Variants in ZC3H4 observed in about 807,000 individuals in gnomAD.
ZC3H4 encodes the protein zinc finger CCCH domain-containing protein 4.
Under a neutral mutation model 108.3 loss-of-function variants are expected in ZC3H4, and 13 were observed. The observed-to-expected ratio is 0.12, with a 90% CI of 0.08 to 0.19. ZC3H4 has a LOEUF of 0.19. Among genes scored for constraint, ZC3H4 ranks in the 10% least tolerant of loss-of-function variants. The pLI is 1.00. For missense variants in ZC3H4, 1,734 were observed against 1,838.8 expected (o/e 0.94, Z 1.04); for synonymous variants, 917 against 749.6 (o/e 1.22, Z -3.65).
In ZC3H4 at chr19:47,072,034, A is replaced by G. The variant is rs79459609; in HGVS notation, c.1890T>C (p.Pro630=). 6.7e-3 allele frequency: 10,616 copies of G among 1,587,558 alleles called. 287 individuals carry two copies. In the African/African-American group the frequency reaches 0.08, roughly 12 times the overall value. The change falls in exon 13 of 15, where the codon CCT becomes CCC. Residue 630 remains proline, a synonymous_variant. Coordinates refer to ENST00000253048, the MANE Select transcript of ZC3H4 (RefSeq NM_015168.2). The surrounding 1 kb of genome is among the most constrained non-coding windows in gnomAD (Gnocchi z 5.6). Reference sequence around the variant, plus strand: ...CCGGGTGCATGTCGGGGTGCATGTCAGGATGCATTGGACCGCCCATTGGCC... The same window carrying G: ...CCGGGTGCATGTCGGGGTGCATGTCGGGATGCATTGGACCGCCCATTGGCC... ...PPGPMGGPMH[P]DMHPDMHPDM... is the part of the protein sequence containing the mutation.
chr19:47,067,071 T>C lies in ZC3H4; in HGVS notation c.3197A>G (p.Asp1066Gly), dbSNP rs772590321. 3.7e-6 allele frequency: 6 copies of C among 1,609,258 alleles called. No individual in the cohort carries two copies. The highest frequency in any genetic ancestry group is 3.3e-5 in the South Asian group (3 of 90,656). ...TGSSAAPGSS[D>G]KPSDPRVRKA... is the part of the protein sequence containing the mutation. ...CCGCACCCGGGGGTCACTGGGTTTG[T>C]CGCTGGAACCGGGGGCGGCCGAGGA... is the stretch of plus-strand genomic sequence containing the variant. Residue 1066 changes from aspartate to glycine, a missense_variant, in exon 15 of 15, where the codon GAC (aspartate) becomes GGC (glycine). Asp to Gly is a moderately conservative substitution (Grantham distance 94, BLOSUM62 -1). Transcript: ENST00000253048. This position sits in a 1 kb window ranked among gnomAD's most constrained non-coding sequence, Gnocchi z 6.4.
In ZC3H4 at chr19:47,094,382, G is replaced by C. The variant is rs551246906; in HGVS notation, c.381+7C>G. 6.2e-7 allele frequency: 1 copy of C among 1,613,706 alleles called. No homozygotes were observed. ...GCAGTGGCAGTCCCAGGGGATCTCC[G>C]ACCTACTTTGTGCTTGGATTTCCTC... On this transcript the variant is annotated splice_region_variant and intron_variant, in intron 3 of 14. Coordinates refer to ENST00000253048, the MANE Select transcript of ZC3H4 (RefSeq NM_015168.2).
chr19:47,088,774 C>T (rs182851680), intron 5 of ZC3H4, among the ~76,000 whole-genome samples: 5 of 152,232 alleles, frequency 3.3e-5, no homozygotes, highest in Non-Finnish European at 4.4e-5. Flanking sequence ...TATCCAGTGT[C>T]CTTTTCACTT....
intron 2 of ZC3H4, among the ~76,000 whole-genome samples, chr19:47,100,909 G>A (rs1212997584): frequency 6.6e-6 from 1 of 151,984 alleles, no homozygotes; most frequent in Non-Finnish European, 1.5e-5. Context: ...TGTTGGCCAG[G>A]CTGGTCTCGA....
intron 11 of ZC3H4, among the ~76,000 whole-genome samples, chr19:47,079,606 C>A (rs2122811225): frequency 6.6e-6 from 1 of 152,234 alleles, no homozygotes; most frequent in East Asian, 1.9e-4. Context: ...GATTACATAA[C>A]CCTGGGGCAT....
At chr19:47,069,436 G>A in intron 13 of ZC3H4, 93 bp from the exon 14 acceptor site, 1 of 1,474,594 alleles carries the variant, frequency 6.8e-7, no homozygotes, top group Non-Finnish European at 9.1e-7. Flanking sequence ...CCACACCGAT[G>A]GCGATGGAGA....
At chr19:47,091,519 A>G (rs111294715) in intron 4 of ZC3H4, among the ~76,000 whole-genome samples, 4,072 of 152,100 alleles carry the variant, frequency 0.027, 152 homozygotes, top group African/African-American at 0.085. Flanking sequence ...GGATGCGGTG[A>G]GGCAAGATTG....
chr19:47,089,812 G>A (rs2057698921), intron 5 of ZC3H4, among the ~76,000 whole-genome samples, 155 bp downstream of exon 5: 1 of 152,170 alleles, frequency 6.6e-6, no homozygotes, highest in Non-Finnish European at 1.5e-5. Context: ...GATCTCTCCG[G>A]TCTCCTGTGC....
chr19:47,087,956 G>C (rs979487591), intron 5 of ZC3H4, among the ~76,000 whole-genome samples: 1 of 151,834 alleles, frequency 6.6e-6, no homozygotes, highest in Admixed American at 6.6e-5. Context: ...GGCGGATCAC[G>C]AAGTCAGGAG....
chr19:47,109,923 G>A (rs943316490), intron 2 of ZC3H4, among the ~76,000 whole-genome samples: 7 of 152,168 alleles, frequency 4.6e-5, no homozygotes, highest in Non-Finnish European at 1.0e-4. Flanking sequence ...CATTTCTGTT[G>A]TTGTTTTTTC....
At chr19:47,081,281 C>T (rs975111963) in intron 11 of ZC3H4, among the ~76,000 whole-genome samples, 1 of 152,208 alleles carries the variant, frequency 6.6e-6, no homozygotes, top group African/African-American at 2.4e-5. Flanking sequence ...TTCATTTGGT[C>T]ATGCCCCAGG....
At chr19:47,077,227 T>C (rs2057439043) in intron 11 of ZC3H4, among the ~76,000 whole-genome samples, 1 of 151,644 alleles carries the variant, frequency 6.6e-6, no homozygotes, top group African/African-American at 2.4e-5. Context: ...TCCCAGCACT[T>C]TGGGAGGCCT....
chr19:47,097,760 G>T (rs986669156), intron 2 of ZC3H4, among the ~76,000 whole-genome samples: 1 of 152,116 alleles, frequency 6.6e-6, no homozygotes, highest in African/African-American at 2.4e-5. Flanking sequence ...AAAAGTGGGG[G>T]AAGCCCCACC....
chr19:47,090,198 C>G lies in ZC3H4; in HGVS notation c.493-9G>C. On this transcript the variant is annotated splice_polypyrimidine_tract_variant and intron_variant, in intron 4 of 14. Transcript: ENST00000253048. ...GGGTACTGCTGGTGGGACTGCGTCC[C>G]AGAGATGGGGAAAAGAGGTGAGCCG... The G allele has an allele frequency of 1.2e-6, 2 of 1,614,010 alleles. No homozygotes were observed. Among genetic ancestry groups the G allele is most frequent in the South Asian group, 1.1e-5 (1 of 91,066 alleles).
At position 47,112,528 on chromosome 19, in the gene ZC3H4, T is replaced by TGGCGGCGGCGGCGAC. The variant is rs2058054047; in HGVS notation, c.42_56dup (p.Pro21_Ser25dup). 5 of 1,066,718 alleles carry TGGCGGCGGCGGCGAC rather than the reference T, an allele frequency of 4.7e-6. No individual in the cohort carries two copies. The African/African-American group carries it at 6.6e-5, about 14-fold the overall frequency. The allele number at this position is 1,066,718 out of a possible 1,614,324, so 66.1% of individuals were successfully genotyped here. ...AAGGCGTTGATGGCGGCGGCGGCGATGGCGGCGGCGGCGACTCTGATGGCG... is the reference window on the plus strand; with the variant it reads ...AAGGCGTTGATGGCGGCGGCGGCGATGGCGGCGGCGGCGACGGCGGCGGCGGCGACTCTGATGGCG... On this transcript the variant is annotated inframe_insertion, in exon 2 of 15. Transcript: ENST00000253048.
chr19:47,110,796 A>T (rs2058028972), intron 2 of ZC3H4: 3 of 638,498 alleles, frequency 4.7e-6, no homozygotes, highest in Admixed American at 1.3e-4. Flanking sequence ...TAATCTGTTT[A>T]TTTCCTTGAA....
intron 4 of ZC3H4, among the ~76,000 whole-genome samples, chr19:47,091,439 T>C (rs556788014): frequency 2.0e-5 from 3 of 149,380 alleles, no homozygotes; most frequent in East Asian, 4.0e-4. Flanking sequence ...CCGGGCATGG[T>C]GATGGGCGCC....
At chr19:47,086,197 G>T (rs1251413750) in intron 6 of ZC3H4, among the ~76,000 whole-genome samples, 187 bp downstream of exon 6, 1 of 152,118 alleles carries the variant, frequency 6.6e-6, no homozygotes, top group Admixed American at 6.6e-5. Flanking sequence ...CCACGTGAAG[G>T]TTTTATCTAT....
Position 47,086,496 on chromosome 19 carries a change from C to T in ZC3H4, c.758G>A (p.Arg253His), listed in dbSNP as rs770981180. The change falls in exon 6 of 15, where the codon CGT becomes CAT. Residue 253 changes from arginine (R) to histidine (H), a missense_variant. By Grantham distance (29) the Arg-to-His change is conservative. Around this residue, in one of 9 missense-constraint regions of ZC3H4, gnomAD observed 403 missense variants for 457.0 expected, o/e 0.88. Coordinates refer to ENST00000253048, the MANE Select transcript of ZC3H4 (RefSeq NM_015168.2). ...RGRGYRGRGS[R>H]GGSRGRGMGR... The stretch of plus-strand genomic sequence containing the variant: ...CATGCCGCGGCCTCGCGATCCTCCA[C>T]GGCTTCCTCGGCCCCTGTAGCCCCG... The T allele has an allele frequency of 8.7e-6, 14 of 1,607,172 alleles. No individual in the cohort carries two copies. The highest frequency in any genetic ancestry group is 4.4e-5 in the South Asian group (4 of 90,756).
Sources: allele counts gnomAD v4.1 joint callset (sites outside exome capture counted in the v4.1 genomes callset), GRCh38; gene constraint gnomAD v4.1.1; regional missense constraint gnomAD v4.1.1; non-coding constraint Gnocchi (gnomAD v3.1); transcripts MANE v1.5; gene names NCBI Gene and HGNC (gene_info 2026-07-23, HGNC 2026-07-21).